Variants in LRP1B observed in about 807,000 individuals in gnomAD.
The protein encoded by LRP1B is low-density lipoprotein receptor-related protein 1B.
In LRP1B, 217 loss-of-function variants were observed where a neutral mutation model predicts 556.6. The ratio of observed to expected loss-of-function variants is 0.39; its 90% CI spans 0.35 to 0.44. The LOEUF is 0.44. Ranked by LOEUF, LRP1B falls within the 20% of genes least tolerant of loss-of-function variation. LRP1B has a pLI of 1.00. For missense variants in LRP1B, 5,053 were observed against 5,620.8 expected, an observed-to-expected ratio of 0.90 and a Z score of 3.23; for synonymous variants, 2,047 against 1,865.8, an observed-to-expected ratio of 1.10 and a Z score of -2.50.
At chr2:140,461,816 A>G (rs1687330470) in intron 60 of LRP1B, among the ~76,000 whole-genome samples, 1 of 152,128 alleles carries the variant, frequency 6.6e-6, no homozygotes, top group Admixed American at 6.5e-5. Context: ...CCTGGTTGAC[A>G]GAGCAAGACT....
chr2:141,564,373 G>C (rs1686260926), intron 2 of LRP1B, among the ~76,000 whole-genome samples: 1 of 152,092 alleles, frequency 6.6e-6, no homozygotes, highest in Non-Finnish European at 1.5e-5. Context: ...CAAAGCAGAT[G>C]TTCATTGGAG....
At chr2:141,344,714 C>T (rs1688185040) in intron 3 of LRP1B, among the ~76,000 whole-genome samples, 1 of 152,170 alleles carries the variant, frequency 6.6e-6, no homozygotes, top group Non-Finnish European at 1.5e-5. Flanking sequence ...GTTTTTCCCA[C>T]TGTATTCATA....
At chr2:141,285,859 G>T (rs868551862) in intron 3 of LRP1B, among the ~76,000 whole-genome samples, 1 of 148,588 alleles carries the variant, frequency 6.7e-6, no homozygotes, top group South Asian at 2.1e-4. Context: ...GAGGTCAGGA[G>T]ATCGAGACCA....
rs186640420 is a variant in LRP1B, at chr2:141,748,829, T to G, written c.205+61450A>C. Among the ~76,000 whole-genome samples the G allele has an allele frequency of 6.0e-4, 91 of 152,302 alleles. 1 individual carries two copies. Among genetic ancestry groups the G allele is most frequent in the African/African-American group, 2.1e-3 (87 of 41,584 alleles). ...ATGCAAAGCTTTTAAAAGCTCTGAC[T>G]TCTGGGAATGGAACAAATTGCTGAA... On this transcript the variant is annotated intron_variant, in intron 2 of 90. Transcript: ENST00000389484.
chr2:140,384,453 G>T (rs1683672515), intron 67 of LRP1B, among the ~76,000 whole-genome samples: 2 of 152,086 alleles, frequency 1.3e-5, no homozygotes, highest in Non-Finnish European at 2.9e-5. Context: ...GGTGATTAAA[G>T]AAATCTAAAA....
At chr2:141,576,516 A>G (rs1348653399) in intron 2 of LRP1B, among the ~76,000 whole-genome samples, 2 of 152,170 alleles carry the variant, frequency 1.3e-5, no homozygotes, top group African/African-American at 4.8e-5. Flanking sequence ...ACCATGACAC[A>G]TGTATATCTA....
chr2:140,269,315 C>T (rs1031722855), intron 86 of LRP1B: 3 of 470,948 alleles, frequency 6.4e-6, no homozygotes, highest in Non-Finnish European at 1.3e-5. Context: ...TCCCCTCATT[C>T]TGACAGTAGT....
At chr2:140,399,878 C>T (rs1255470086) in intron 66 of LRP1B, among the ~76,000 whole-genome samples, 2 of 152,158 alleles carry the variant, frequency 1.3e-5, no homozygotes, top group African/African-American at 4.8e-5. Flanking sequence ...AGTTTCTTGG[C>T]CCTAACACAC....
At chr2:141,424,744 G>C (rs1411977734) in intron 3 of LRP1B, among the ~76,000 whole-genome samples, 1 of 152,078 alleles carries the variant, frequency 6.6e-6, no homozygotes, top group Non-Finnish European at 1.5e-5. Context: ...CCTGGGTTCA[G>C]TATAAAGCCA....
intron 23 of LRP1B, among the ~76,000 whole-genome samples, chr2:140,894,585 G>A (rs1458770436): frequency 6.6e-6 from 1 of 152,010 alleles, no homozygotes. Context: ...AGGGAGAAGA[G>A]AAAGGGTACA....
intron 2 of LRP1B, among the ~76,000 whole-genome samples, chr2:141,778,184 A>C (rs1229192284): frequency 6.6e-6 from 1 of 152,230 alleles, no homozygotes; most frequent in Non-Finnish European, 1.5e-5. Flanking sequence ...AGAGACTATT[A>C]GGCAGAAATC....
intron 35 of LRP1B, among the ~76,000 whole-genome samples, chr2:140,717,399 G>A (rs564850436): frequency 6.6e-6 from 1 of 152,132 alleles, no homozygotes; most frequent in East Asian, 1.9e-4. Context: ...TTTCTTAAAT[G>A]TCAACTACAA....
intron 1 of LRP1B, among the ~76,000 whole-genome samples, chr2:142,027,575 C>T (rs953892262): frequency 6.6e-6 from 1 of 151,520 alleles, no homozygotes; most frequent in Admixed American, 6.6e-5. Context: ...TGTGCCAGGC[C>T]CTGTTCTAAC....
intron 20 of LRP1B, among the ~76,000 whole-genome samples, chr2:140,946,246 G>A (rs887006284): frequency 6.6e-6 from 1 of 152,152 alleles, no homozygotes; most frequent in Non-Finnish European, 1.5e-5. Flanking sequence ...CACAGACACT[G>A]TTGGTAGAAA....
chr2:140,627,714 A>G (rs1344560677), intron 41 of LRP1B, among the ~76,000 whole-genome samples: 1 of 152,150 alleles, frequency 6.6e-6, no homozygotes, highest in Non-Finnish European at 1.5e-5. Context: ...ACCTTAATAC[A>G]CCAATTTAAT....
chr2:141,428,467 T>C (rs568594042), intron 3 of LRP1B, among the ~76,000 whole-genome samples: 9 of 152,320 alleles, frequency 5.9e-5, no homozygotes, highest in African/African-American at 2.2e-4. Flanking sequence ...GGCTCACTGT[T>C]AAATTTCTGG....
chr2:140,713,047 C>T (rs558942390), intron 37 of LRP1B, among the ~76,000 whole-genome samples: 152 of 152,038 alleles, frequency 1.0e-3, no homozygotes, highest in Non-Finnish European at 1.8e-3. Flanking sequence ...CTTGGGTAAC[C>T]TCGTACACTA....
rs16848103 is a variant in LRP1B, at chr2:142,093,201, T to G, written c.82+37447A>C. Among the ~76,000 whole-genome samples, 614 of 152,274 alleles carry G rather than the reference T, an allele frequency of 4.0e-3. 8 individuals carry two copies. The highest frequency in any genetic ancestry group is 0.014 in the African/African-American group (588 of 41,568). On this transcript the variant is annotated intron_variant, in intron 1 of 90. Transcript: ENST00000389484. ...TTAAAACTAACATTGTGTAGAATTA[T>G]ATTATCCATTTTAACTTTCCTAGCG...
In LRP1B at chr2:140,311,066, G is replaced by T. The variant is rs571159983; in HGVS notation, c.12805+3869C>A. Among the ~76,000 whole-genome samples the T allele has an allele frequency of 2.0e-5, 3 of 151,738 alleles. No individual in the cohort carries two copies. In the East Asian group the frequency reaches 5.8e-4, roughly 29 times the overall value. ...TGTAGAGACAAGGGAACACTTATAC[G>T]CTGTTGGTGGGAATGTAAATTAGTA... On this transcript the variant is annotated intron_variant, in intron 83 of 90. Coordinates refer to ENST00000389484, the MANE Select transcript of LRP1B (RefSeq NM_018557.3).
Sources: gnomAD v4.1 joint callset for allele counts (sites outside exome capture counted in the v4.1 genomes callset) on GRCh38, gnomAD v4.1.1 for gene constraint, MANE v1.5 for transcripts, NCBI Gene and HGNC (gene_info 2026-07-23, HGNC 2026-07-21) for gene names.